PRDM6: variants seen among roughly 807,000 people sequenced by gnomAD.
The protein encoded by PRDM6 is PR/SET domain 6.
A neutral mutation model predicts 60.8 loss-of-function variants in PRDM6; 25 were observed. That is an observed-to-expected ratio of 0.41 (90% CI 0.30 to 0.57). The LOEUF is 0.57. PRDM6 is among the 20% of genes least tolerant of loss of function. The probability of loss-of-function intolerance (pLI) is 0.27; values close to 1 mark genes in which losing one functional copy is unlikely to be tolerated. For missense variants in PRDM6, 839 were observed against 821.3 expected (o/e 1.02, Z -0.26); for synonymous variants, 407 against 357.4 (o/e 1.14, Z -1.57).
chr5:123,168,586 T>A (rs1765813896), intron 5 of PRDM6, among the ~76,000 whole-genome samples: 2 of 152,222 alleles, frequency 1.3e-5, no homozygotes, highest in African/African-American at 4.8e-5. Flanking sequence ...TGGGAAACTT[T>A]AAAAAATGTA....
At chr5:123,109,306 TC>T (rs1367763404) in intron 3 of PRDM6, among the ~76,000 whole-genome samples, 1 of 152,146 alleles carries the variant, frequency 6.6e-6, no homozygotes, top group African/African-American at 2.4e-5. Context: ...ACCTCTTTTT[TC>T]CCCACATGTG....
At chr5:123,128,097 C>T (rs1488375386) in intron 3 of PRDM6, among the ~76,000 whole-genome samples, 1 of 152,174 alleles carries the variant, frequency 6.6e-6, no homozygotes, top group East Asian at 1.9e-4. Context: ...AGGACATGAA[C>T]TCATCCTTTT....
chr5:123,135,606 G>A (rs1271992429), intron 3 of PRDM6, among the ~76,000 whole-genome samples: 1 of 151,966 alleles, frequency 6.6e-6, no homozygotes, highest in African/African-American at 2.4e-5. Context: ...TCCACCCCCT[G>A]CAACTCCCTA....
rs750141617 is a variant in PRDM6 at position 123,090,154 on chromosome 5, C to G, written c.140C>G (p.Pro47Arg). ...GGCGCCGCGGGTCTCCTGAGCGCGC[C>G]GCAGCCTCTTCAGCCGCCGCCGCCG... ...GSGAAGLLSA[P>R]QPLQPPPPPP... Residue 47 changes from proline (P) to arginine (R), a missense_variant, in exon 2 of 8, where the codon CCG (proline) becomes CGG (arginine). By Grantham distance (103) the Pro-to-Arg change is moderately radical. Coordinates refer to ENST00000407847, the MANE Select transcript of PRDM6 (RefSeq NM_001136239.4). The G allele has an allele frequency of 1.4e-3, 2,083 of 1,521,304 alleles. 1 individual carries two copies. Among genetic ancestry groups the G allele is most frequent in the Non-Finnish European group, 1.7e-3 (1,931 of 1,135,462 alleles). The allele number at this position is 1,521,304 out of a possible 1,614,324, so 94.2% of individuals were successfully genotyped here.
At chr5:123,140,981 T>C (rs1016182191) in intron 3 of PRDM6, among the ~76,000 whole-genome samples, 1 of 152,056 alleles carries the variant, frequency 6.6e-6, no homozygotes, top group African/African-American at 2.4e-5. Flanking sequence ...TTTTATAAAG[T>C]CAATTATTTT....
At chr5:123,096,809 T>A (rs879701838) in intron 2 of PRDM6, among the ~76,000 whole-genome samples, 3 of 152,224 alleles carry the variant, frequency 2.0e-5, no homozygotes, top group Non-Finnish European at 4.4e-5. Flanking sequence ...TTAGAGGACT[T>A]CTTGGAGAAA....
intron 3 of PRDM6, among the ~76,000 whole-genome samples, chr5:123,138,716 G>A (rs1223939176): frequency 6.6e-6 from 1 of 152,162 alleles, no homozygotes; most frequent in Non-Finnish European, 1.5e-5. Flanking sequence ...GGACACATTA[G>A]ATGCCAAGTG....
At chr5:123,152,473 G>A (rs1765390639) in intron 3 of PRDM6, among the ~76,000 whole-genome samples, 1 of 152,112 alleles carries the variant, frequency 6.6e-6, no homozygotes, top group African/African-American at 2.4e-5. Context: ...AAACAAGGTT[G>A]GTCTATTGCT....
At chr5:123,158,314 T>G (rs1473959059) in intron 4 of PRDM6, among the ~76,000 whole-genome samples, 2 of 152,174 alleles carry the variant, frequency 1.3e-5, no homozygotes, top group Admixed American at 1.3e-4. Context: ...TTTGATTTTT[T>G]TATGTAGCAG....
intron 3 of PRDM6, among the ~76,000 whole-genome samples, chr5:123,147,611 G>C (rs1466245477): frequency 6.6e-6 from 1 of 152,198 alleles, no homozygotes; most frequent in Non-Finnish European, 1.5e-5. Flanking sequence ...TCTCAAAAGA[G>C]TACAACATCA....
chr5:123,091,573 A>G (rs1203376229), intron 2 of PRDM6, among the ~76,000 whole-genome samples: 1 of 152,250 alleles, frequency 6.6e-6, no homozygotes, highest in Non-Finnish European at 1.5e-5. Context: ...AGCAATATGT[A>G]CTGCTTTATA....
At chr5:123,146,599 T>C (rs1765243968) in intron 3 of PRDM6, among the ~76,000 whole-genome samples, 1 of 149,330 alleles carries the variant, frequency 6.7e-6, no homozygotes, top group Non-Finnish European at 1.5e-5. Context: ...ATATGTAGCA[T>C]GTTGTTGTTG....
chr5:123,186,523 T>A (rs1332790839), intron 7 of PRDM6, among the ~76,000 whole-genome samples: 2 of 152,174 alleles, frequency 1.3e-5, no homozygotes, highest in East Asian at 3.8e-4. Context: ...TAACCCTAAG[T>A]TTGGTTAGGC....
Position 123,194,161 on chromosome 5 carries a change from C to G in PRDM6, c.*6960C>G, listed in dbSNP as rs1437639973. On this transcript the variant is annotated 3_prime_UTR_variant, in exon 8 of 8. Transcript: ENST00000407847. ...TGCTGTATTCTTGTGATGGAATCTA[C>G]CAGGATTAAGTTGTATTTAAATGAA... The G allele has an allele frequency of 6.6e-6, 1 of 152,042 alleles. No homozygotes were observed. Among genetic ancestry groups the G allele is most frequent in the African/African-American group, 2.4e-5 (1 of 41,394 alleles). 9.4% of individuals were successfully genotyped at this position (152,042 alleles called of 1,614,324 possible).
In PRDM6 at chr5:123,170,846, C is replaced by T. The variant is rs1351073047; in HGVS notation, c.1234C>T (p.Pro412Ser). 5.9e-5 allele frequency: 91 copies of T among 1,552,088 alleles called. No homozygotes were observed. The highest frequency in any genetic ancestry group is 6.8e-5 in the Non-Finnish European group (78 of 1,147,124). ...QPFNKSSKLA[P>S]TTQQRSVVFP... ...CTTCAACAAAAGCAGCAAACTCGCC[C>T]CTACCACCCAGCAGCGCTCCGTTGT... The change falls in exon 6 of 8, where the codon CCT becomes TCT. Residue 412 changes from proline to serine, a missense_variant. Pro to Ser is a moderately conservative substitution (Grantham distance 74). This residue lies in a region of PRDM6 where 730 missense variants were observed against 648.8 expected (regional missense o/e 1.13). Transcript: ENST00000407847.
chr5:123,180,614 A>AT (rs1024149946), intron 7 of PRDM6, among the ~76,000 whole-genome samples: 2 of 152,100 alleles, frequency 1.3e-5, no homozygotes, highest in Non-Finnish European at 2.9e-5. Context: ...TAATTTTAAT[A>AT]TTTTTTTCAG....
chr5:123,138,653 A>G (rs988902746), intron 3 of PRDM6, among the ~76,000 whole-genome samples: 1 of 152,248 alleles, frequency 6.6e-6, no homozygotes, highest in African/African-American at 2.4e-5. Flanking sequence ...GGATTTTTAT[A>G]TATCACATCT....
chr5:123,129,490 G>A (rs940555436), intron 3 of PRDM6, among the ~76,000 whole-genome samples: 2 of 152,128 alleles, frequency 1.3e-5, no homozygotes, highest in Non-Finnish European at 2.9e-5. Flanking sequence ...TTCTTATAGA[G>A]CAGGGTAAGA....
intron 3 of PRDM6, among the ~76,000 whole-genome samples, chr5:123,139,194 G>A (rs1765042422): frequency 6.6e-6 from 1 of 152,110 alleles, no homozygotes; most frequent in Non-Finnish European, 1.5e-5. Flanking sequence ...CCAGTCTTTT[G>A]TATTTCTTTA....
Sources: gnomAD v4.1 joint callset for allele counts (sites outside exome capture counted in the v4.1 genomes callset) on GRCh38, gnomAD v4.1.1 for gene constraint, gnomAD v4.1.1 regional missense constraint, MANE v1.5 for transcripts, NCBI Gene and HGNC (gene_info 2026-07-23, HGNC 2026-07-21) for gene names.